The following TSPAN1 variants were observed in gnomAD, a reference collection of about 807,000 sequenced individuals.
TSPAN1 encodes the protein tetraspanin 1.
TSPAN1 carries 23 observed loss-of-function variants against 26.9 expected under a neutral mutation model. That is an observed-to-expected ratio of 0.85 (90% CI 0.62 to 1.21). The LOEUF is 1.21. Among genes scored for constraint, TSPAN1 ranks in the 50% most tolerant of loss-of-function variants. The pLI is 0.00. For synonymous variants in TSPAN1, 115 were observed against 114.8 expected (o/e 1.00, Z -0.01); for missense variants, 283 against 298.4 (o/e 0.95, Z 0.38).
At chr1:46,178,464 C>T (rs1423068981) in intron 1 of TSPAN1, among the ~76,000 whole-genome samples, 1 of 151,468 alleles carries the variant, frequency 6.6e-6, no homozygotes, top group Non-Finnish European at 1.5e-5. Context: ...ATCCTCCTTT[C>T]TGTTTGTGGA....
At chr1:46,193,137 C>A in the TSPAN1 span, 1 of 1,613,770 alleles carries the variant, frequency 6.2e-7, no homozygotes, top group South Asian at 1.1e-5. Context: ...CATGTTTCCC[C>A]CCTCCCAGGC....
Position 46,175,489 on chromosome 1 carries a change from G to T in TSPAN1, c.-142+80G>T. On this transcript the variant is annotated intron_variant, in intron 1 of 8. Coordinates refer to ENST00000372003, the MANE Select transcript of TSPAN1 (RefSeq NM_005727.4). ...ACCTCTGTGTGGAATAAGGCAGTTT[G>T]AGCAGAATGACTGTATTTGTTGTTC... 7.5e-6 allele frequency: 3 copies of T among 398,244 alleles called. No homozygotes were observed. The South Asian group carries it at 3.9e-4, about 51-fold the overall frequency. 24.7% of individuals were successfully genotyped at this position (398,244 alleles called of 1,614,324 possible).
At chr1:46,177,781 G>T (rs577417622) in intron 1 of TSPAN1, among the ~76,000 whole-genome samples, 1 of 152,260 alleles carries the variant, frequency 6.6e-6, no homozygotes, top group East Asian at 1.9e-4. Flanking sequence ...GTACTGGTTT[G>T]GGAATTACAA....
chr1:46,187,778 A>C (rs1657467629), downstream of TSPAN1, among the ~76,000 whole-genome samples: 1 of 152,180 alleles, frequency 6.6e-6, no homozygotes, highest in Non-Finnish European at 1.5e-5. Flanking sequence ...ATCCAGCTCC[A>C]ACAAACACTG....
downstream of TSPAN1, chr1:46,189,784 T>C: frequency 1.2e-6 from 2 of 1,603,730 alleles, no homozygotes; most frequent in Non-Finnish European, 1.7e-6. Context: ...GAGCAAAGGC[T>C]CCCTGGATCT....
At chr1:46,179,251 T>G (rs989456381) in intron 1 of TSPAN1, among the ~76,000 whole-genome samples, 5 of 150,680 alleles carry the variant, frequency 3.3e-5, no homozygotes, top group Non-Finnish European at 7.4e-5. Flanking sequence ...AGGTCAAGGC[T>G]GCAGTGAGCT....
downstream of TSPAN1, among the ~76,000 whole-genome samples, chr1:46,186,492 T>TC (rs1241627773): frequency 1.0e-3 from 150 of 147,754 alleles, no homozygotes; most frequent in African/African-American, 2.4e-3. Context: ...TCTTTTCTTT[T>TC]TTTTTTTTTT....
intron 1 of TSPAN1, chr1:46,175,855 A>G (rs1031925906): frequency 2.5e-5 from 11 of 442,364 alleles, no homozygotes; most frequent in Non-Finnish European, 3.9e-5. Context: ...CAGGTAGGGA[A>G]ATCTTCACTG....
intron 3 of TSPAN1, among the ~76,000 whole-genome samples, chr1:46,182,303 G>GAAAAAAAAAAAAAAAAAAAAAAAAAAA (rs1557664937): frequency 4.1e-4 from 1 of 2,418 alleles, no homozygotes; most frequent in African/African-American, 4.5e-4. Flanking sequence ...TTAGGGATAA[G>GAAAAAAAAAAAAAAAAAAAAAAAAAAA]CAAAAAAAAA....
chr1:46,194,354 G>C, the TSPAN1 span: 2 of 1,614,194 alleles, frequency 1.2e-6, no homozygotes, highest in East Asian at 2.2e-5. Context: ...CTGCAGAAGC[G>C]CCGGCGGCGA....
At position 46,185,423 on chromosome 1, in the gene TSPAN1, T is replaced by G. The variant is rs978286222; in HGVS notation, c.679-63T>G. The stretch of plus-strand genomic sequence containing the variant: ...CTAACTGGGCCTCAGGTAGGGTGTC[T>G]GTGGGACAGGCTTCAGGATCCCTAT... On this transcript the variant is annotated intron_variant, in intron 8 of 8. Transcript: ENST00000372003. The G allele has an allele frequency of 1.4e-5, 23 of 1,610,742 alleles. No homozygotes were observed. The East Asian group carries it at 4.5e-4, about 31-fold the overall frequency.
intron 1 of TSPAN1, chr1:46,176,545 A>G: frequency 6.7e-7 from 1 of 1,490,660 alleles, no homozygotes; most frequent in South Asian, 1.3e-5. Context: ...ATGACATACA[A>G]AGTCTGCATA....
chr1:46,191,720 C>T, the TSPAN1 span: 1,218 of 337,096 alleles, frequency 3.6e-3, 10 homozygotes, highest in South Asian at 6.0e-3. Context: ...CAGCAAGCTT[C>T]GCCTCCTGGG....
downstream of TSPAN1, among the ~76,000 whole-genome samples, chr1:46,187,732 T>C (rs1657466651): frequency 6.6e-6 from 1 of 152,234 alleles, no homozygotes; most frequent in Non-Finnish European, 1.5e-5. Context: ...GGCTAATTGC[T>C]GCTCAACCTG....
chr1:46,185,289 C>T lies in TSPAN1; in HGVS notation c.659C>T (p.Ala220Val), dbSNP rs1470531852. 6.2e-7 allele frequency: 1 copy of T among 1,614,078 alleles called. No individual in the cohort carries two copies. Among genetic ancestry groups the T allele is most frequent in the South Asian group, 1.1e-5 (1 of 91,078 alleles). The change falls in exon 8 of 9, where the codon GCT (alanine) becomes GTT (valine). Residue 220 changes from alanine (A) to valine (V), a missense_variant. Coordinates refer to ENST00000372003, the MANE Select transcript of TSPAN1 (RefSeq NM_005727.4). ...TNAVTVGGVA[A>V]GIGGLELAAM... ...GCAGTCACCGTGGGTGGTGTGGCAG[C>T]TGGAATTGGGGGCCTCGAGGTAAGC...
intron 4 of TSPAN1, 69 bp from the exon 5 acceptor site, chr1:46,184,525 G>A (rs902903648): frequency 6.2e-7 from 1 of 1,605,382 alleles, no homozygotes; most frequent in Non-Finnish European, 8.5e-7. Flanking sequence ...TTTCCGGGGG[G>A]GGGATTAGGG....
At chr1:46,184,438 C>T (rs1024865247) in intron 4 of TSPAN1, 41 bp downstream of exon 4, 2 of 1,612,970 alleles carry the variant, frequency 1.2e-6, no homozygotes, top group South Asian at 2.2e-5. Flanking sequence ...ACCAAGAGTC[C>T]CCTCGCCCTT....
At chr1:46,183,878 T>G (rs1390388589) in intron 3 of TSPAN1, 3 of 447,952 alleles carry the variant, frequency 6.7e-6, no homozygotes, top group Non-Finnish European at 1.2e-5. Flanking sequence ...CTGCCTGTTT[T>G]CAATCCTAGC....
intron 1 of TSPAN1, among the ~76,000 whole-genome samples, chr1:46,178,577 T>C (rs1657239980): frequency 6.6e-6 from 1 of 152,106 alleles, no homozygotes; most frequent in Admixed American, 6.5e-5. Context: ...AATATGACCT[T>C]GCTTCCACCA....
Sources: gnomAD v4.1 joint callset for allele counts (sites outside exome capture counted in the v4.1 genomes callset) on GRCh38, gnomAD v4.1.1 for gene constraint, MANE v1.5 for transcripts, NCBI Gene and HGNC (gene_info 2026-07-23, HGNC 2026-07-21) for gene names.